Variants in PLXDC2 observed in about 807,000 individuals in gnomAD.
The protein encoded by PLXDC2 is plexin domain-containing protein 2.
A neutral mutation model predicts 68.9 loss-of-function variants in PLXDC2; 40 were observed. That is an observed-to-expected ratio of 0.58 (90% CI 0.45 to 0.76). The LOEUF is 0.76. Among genes scored for constraint, PLXDC2 ranks in the 30% least tolerant of loss-of-function variants. PLXDC2 has a pLI of 0.00. For missense variants in PLXDC2, 644 were observed against 661.9 expected (o/e 0.97, Z 0.30); for synonymous variants, 243 against 234.2 (o/e 1.04, Z -0.34).
chr10:19,964,909 T>G (rs1834223273), intron 1 of PLXDC2, among the ~76,000 whole-genome samples: 1 of 152,180 alleles, frequency 6.6e-6, no homozygotes, highest in Non-Finnish European at 1.5e-5. Flanking sequence ...TGCAATTAAA[T>G]TTTCTCTTTG....
At chr10:20,174,912 A>C (rs1010087506) in intron 7 of PLXDC2, among the ~76,000 whole-genome samples, 2 of 152,132 alleles carry the variant, frequency 1.3e-5, no homozygotes, top group African/African-American at 4.8e-5. Context: ...ACTTCTACTA[A>C]AAGGTAACTC....
At chr10:19,848,998 CT>C (rs1295671114) in intron 1 of PLXDC2, among the ~76,000 whole-genome samples, 1 of 152,060 alleles carries the variant, frequency 6.6e-6, no homozygotes, top group Non-Finnish European at 1.5e-5. Flanking sequence ...TATTAATATC[CT>C]ATTAATATTT....
intron 1 of PLXDC2, among the ~76,000 whole-genome samples, chr10:19,960,190 C>G (rs1200831598): frequency 1.1e-5 from 1 of 87,348 alleles, no homozygotes; most frequent in African/African-American, 4.7e-5. Context: ...GAGCTCGTCT[C>G]AAAAAAAAAA....
chr10:20,245,210 T>C lies in PLXDC2; in HGVS notation c.1313-135T>C, dbSNP rs972164778. 2.8e-5 allele frequency: 24 copies of C among 843,362 alleles called. No homozygotes were observed. In the African/African-American group the frequency reaches 3.0e-4, roughly 10 times the overall value. The allele number at this position is 843,362 out of a possible 1,614,324, so 52.2% of individuals were successfully genotyped here. On this transcript the variant is annotated intron_variant, in intron 12 of 13. Coordinates refer to ENST00000377252, the MANE Select transcript of PLXDC2 (RefSeq NM_032812.9). ...TATGAAGAGCACGTCACCTGTAAAA[T>C]TGATGTTGCAGAAAAGTTGTCCAGG...
chr10:20,072,495 G>A (rs1297839715), intron 4 of PLXDC2, among the ~76,000 whole-genome samples: 2 of 72,512 alleles, frequency 2.8e-5, no homozygotes, highest in African/African-American at 1.4e-4. Context: ...GAAAGAAAGA[G>A]AAAGAAAGAA....
intron 9 of PLXDC2, among the ~76,000 whole-genome samples, chr10:20,185,897 C>G (rs190239152): frequency 6.6e-6 from 1 of 152,044 alleles, no homozygotes; most frequent in Admixed American, 6.6e-5. Context: ...GCCAAAGCAC[C>G]TAATTTCAGA....
intron 1 of PLXDC2, among the ~76,000 whole-genome samples, chr10:19,867,454 A>G (rs1271979893): frequency 1.3e-5 from 2 of 152,174 alleles, no homozygotes; most frequent in East Asian, 3.8e-4. Flanking sequence ...TCTCAGGGAC[A>G]TAGGTCAAGG....
chr10:20,096,343 C>T (rs180990511), intron 4 of PLXDC2, among the ~76,000 whole-genome samples: 9 of 151,348 alleles, frequency 5.9e-5, no homozygotes, highest in African/African-American at 2.2e-4. Context: ...TAAAATCACG[C>T]TGAAAGAAAA....
At chr10:20,268,996 A>G (rs946756774) in intron 13 of PLXDC2, among the ~76,000 whole-genome samples, 4 of 152,238 alleles carry the variant, frequency 2.6e-5, no homozygotes, top group African/African-American at 7.2e-5. Context: ...TTAACATATT[A>G]TGAACTAAGG....
rs1836119077 is a variant in PLXDC2 at position 20,284,294 on chromosome 10, C to T, written c.*4475C>T. 7.6e-6 allele frequency: 1 copy of T among 131,462 alleles called. No homozygotes were observed. The allele number at this position is 131,462 out of a possible 1,614,324, so 8.1% of individuals were successfully genotyped here. ...TCCAGCCTGGACAACATAGTGAGAC[C>T]CATCTCTATCAAATATACATATATA... On this transcript the variant is annotated 3_prime_UTR_variant, in exon 14 of 14. Transcript: ENST00000377252.
intron 2 of PLXDC2, among the ~76,000 whole-genome samples, chr10:20,041,203 C>G (rs1294466248): frequency 2.0e-5 from 3 of 152,108 alleles, no homozygotes; most frequent in African/African-American, 7.2e-5. Flanking sequence ...TATAGTTAGG[C>G]ATTACATTTT....
intron 1 of PLXDC2, among the ~76,000 whole-genome samples, chr10:19,924,731 G>A (rs149962348): frequency 7.6e-4 from 115 of 152,262 alleles, no homozygotes; most frequent in African/African-American, 2.5e-3. Context: ...ATGTTTCTTC[G>A]TCTCTAGTAA....
Position 20,247,298 on chromosome 10 carries a change from A to G in PLXDC2, c.1473+1793A>G, listed in dbSNP as rs554469261. On this transcript the variant is annotated intron_variant, in intron 13 of 13. Coordinates refer to ENST00000377252, the MANE Select transcript of PLXDC2 (RefSeq NM_032812.9). ...AACATGGTGAAACTTCATCTCTACA[A>G]AAAAAAAAAAAAAGAAAAAAAGAAA... 2.5e-3 allele frequency among the ~76,000 whole-genome samples: 366 copies of G among 146,776 alleles called. 2 individuals carry two copies. Among genetic ancestry groups the G allele is most frequent in the Non-Finnish European group, 3.9e-3 (256 of 66,380 alleles).
intron 1 of PLXDC2, among the ~76,000 whole-genome samples, chr10:19,912,201 T>C (rs1489846464): frequency 1.3e-5 from 2 of 152,208 alleles, no homozygotes; most frequent in Admixed American, 1.3e-4. Flanking sequence ...TGCTTTATCT[T>C]AGTGGGTTTT....
intron 6 of PLXDC2, among the ~76,000 whole-genome samples, chr10:20,155,122 A>G (rs1834201224): frequency 1.3e-5 from 2 of 152,230 alleles, no homozygotes; most frequent in Non-Finnish European, 2.9e-5. Flanking sequence ...TGCATAGTTA[A>G]TAAATCACCA....
chr10:20,267,481 G>C (rs1227396100), intron 13 of PLXDC2, among the ~76,000 whole-genome samples: 1 of 152,076 alleles, frequency 6.6e-6, no homozygotes, highest in Non-Finnish European at 1.5e-5. Flanking sequence ...CTAACTATGT[G>C]ATTCTGGTCA....
At chr10:19,956,250 AG>A (rs1834067149) in intron 1 of PLXDC2, among the ~76,000 whole-genome samples, 1 of 152,198 alleles carries the variant, frequency 6.6e-6, no homozygotes, top group African/African-American at 2.4e-5. Context: ...TATTAGTGAA[AG>A]AATGGCAACT....
intron 12 of PLXDC2, among the ~76,000 whole-genome samples, chr10:20,238,388 C>A (rs1486260507): frequency 2.7e-5 from 4 of 150,500 alleles, no homozygotes; most frequent in Admixed American, 2.7e-4. Context: ...GGCTCACACC[C>A]GTAATTCCAG....
chr10:20,168,559 C>T (rs1397375510), intron 7 of PLXDC2, among the ~76,000 whole-genome samples: 1 of 152,092 alleles, frequency 6.6e-6, no homozygotes, highest in African/African-American at 2.4e-5. Flanking sequence ...CTTCATAAGA[C>T]TTATGTCTGC....
Sources: gnomAD v4.1 joint callset for allele counts (sites outside exome capture counted in the v4.1 genomes callset) on GRCh38, gnomAD v4.1.1 for gene constraint, MANE v1.5 for transcripts, NCBI Gene and HGNC (gene_info 2026-07-23, HGNC 2026-07-21) for gene names.